KSR2: variants seen among roughly 807,000 people sequenced by gnomAD.
KSR2 encodes kinase suppressor of ras 2.
In KSR2, 25 loss-of-function variants were observed where a neutral mutation model predicts 107.8. The observed-to-expected ratio is 0.23, with a 90% CI of 0.17 to 0.32. The LOEUF (loss-of-function observed/expected upper bound fraction) is 0.32, where lower values mean the gene tolerates loss of function less well. Among genes scored for constraint, KSR2 ranks in the 10% least tolerant of loss-of-function variants. The pLI, the probability that KSR2 is intolerant of heterozygous loss-of-function variation, is 1.00. For missense variants in KSR2, 887 were observed against 1,268.9 expected (o/e 0.70, Z 4.57); for synonymous variants, 480 against 507.0 (o/e 0.95, Z 0.71).
intron 14 of KSR2, among the ~76,000 whole-genome samples, chr12:117,519,896 C>A (rs1253838340): frequency 3.3e-5 from 5 of 152,156 alleles, no homozygotes; most frequent in Non-Finnish European, 7.4e-5. Flanking sequence ...AAATGAAACT[C>A]AGTTCTAATA....
intron 1 of KSR2, among the ~76,000 whole-genome samples, chr12:117,891,565 C>A (rs1342343403): frequency 1.3e-5 from 2 of 151,940 alleles, no homozygotes; most frequent in Admixed American, 6.6e-5. Flanking sequence ...GAATGAGACT[C>A]CATTTCTATA....
At chr12:117,723,080 G>A (rs1035945274) in intron 4 of KSR2, among the ~76,000 whole-genome samples, 3 of 152,148 alleles carry the variant, frequency 2.0e-5, no homozygotes, top group Non-Finnish European at 2.9e-5. Flanking sequence ...CCCCTCAGTG[G>A]CAGGGGAGGT....
At chr12:117,846,733 C>T (rs555527911) in intron 3 of KSR2, among the ~76,000 whole-genome samples, 5 of 152,344 alleles carry the variant, frequency 3.3e-5, no homozygotes, top group South Asian at 2.1e-4. Flanking sequence ...CCACCTGTGG[C>T]GATGAACAAC....
At chr12:117,541,138 G>A (rs1390896480) in intron 9 of KSR2, among the ~76,000 whole-genome samples, 2 of 150,984 alleles carry the variant, frequency 1.3e-5, no homozygotes, top group Non-Finnish European at 2.9e-5. Context: ...CTGATGTGGA[G>A]GAATGGGAGG....
chr12:117,601,209 C>A (rs10850854), intron 5 of KSR2, among the ~76,000 whole-genome samples: 22,149 of 151,366 alleles, frequency 0.15, 1,804 homozygotes, highest in Non-Finnish European at 0.18. Flanking sequence ...TGATATTTGT[C>A]TCTCTCTGCT....
chr12:117,538,410 GGCTTGTCCTCA>G (rs747485769), intron 10 of KSR2, among the ~76,000 whole-genome samples: 1 of 152,086 alleles, frequency 6.6e-6, no homozygotes, highest in Non-Finnish European at 1.5e-5. Flanking sequence ...TGCTGTGATT[GGCTTGTCCTCA>G]GATGGATGGA....
intron 4 of KSR2, among the ~76,000 whole-genome samples, chr12:117,695,003 A>C (rs1885993489): frequency 6.6e-6 from 1 of 151,978 alleles, no homozygotes; most frequent in African/African-American, 2.4e-5. Context: ...GGTGCACGCC[A>C]CCACACCCAG....
intron 3 of KSR2, among the ~76,000 whole-genome samples, chr12:117,814,659 C>G (rs1314712843): frequency 6.6e-6 from 1 of 152,172 alleles, no homozygotes; most frequent in Non-Finnish European, 1.5e-5. Flanking sequence ...TCCACAGAGG[C>G]TCCATTCAGA....
intron 4 of KSR2, among the ~76,000 whole-genome samples, chr12:117,707,887 G>C (rs1262741065): frequency 2.0e-5 from 3 of 152,140 alleles, no homozygotes; most frequent in African/African-American, 7.2e-5. Context: ...ATGATCTCTG[G>C]TAGTATTTCC....
chr12:117,676,800 T>C (rs1322379025), intron 4 of KSR2, among the ~76,000 whole-genome samples: 3 of 152,188 alleles, frequency 2.0e-5, no homozygotes, highest in Non-Finnish European at 4.4e-5. Context: ...CCCAGGCCTG[T>C]ATCTAACCAA....
chr12:117,471,589 T>TTC (rs1371568678), intron 17 of KSR2, among the ~76,000 whole-genome samples: 6 of 152,280 alleles, frequency 3.9e-5, no homozygotes, highest in Non-Finnish European at 8.8e-5. Flanking sequence ...TTGCAATGAT[T>TTC]CTAGGAAATC....
At chr12:117,679,257 G>C (rs1885268946) in intron 4 of KSR2, among the ~76,000 whole-genome samples, 1 of 152,158 alleles carries the variant, frequency 6.6e-6, no homozygotes, top group South Asian at 2.1e-4. Flanking sequence ...CATGCACGGA[G>C]CGTTTCCTAT....
intron 3 of KSR2, among the ~76,000 whole-genome samples, chr12:117,786,864 T>C (rs560061214): frequency 1.6e-4 from 24 of 151,768 alleles, no homozygotes; most frequent in African/African-American, 5.6e-4. Context: ...ACCCTGTCTC[T>C]ACTAAAAATA....
chr12:117,546,434 T>C (rs1451333986), intron 9 of KSR2, among the ~76,000 whole-genome samples: 1 of 152,222 alleles, frequency 6.6e-6, no homozygotes, highest in Non-Finnish European at 1.5e-5. Context: ...ACATGACATA[T>C]CCTAGCATGG....
chr12:117,703,591 C>A (rs975898259), intron 4 of KSR2, among the ~76,000 whole-genome samples: 1 of 152,264 alleles, frequency 6.6e-6, no homozygotes, highest in East Asian at 1.9e-4. Context: ...AGAAATTGAA[C>A]GTTGAAGTTC....
chr12:117,577,177 T>C (rs747591533), intron 7 of KSR2, among the ~76,000 whole-genome samples: 21 of 152,182 alleles, frequency 1.4e-4, no homozygotes, highest in Non-Finnish European at 2.5e-4. Context: ...GGCCTCTGCC[T>C]GGACTAGACA....
chr12:117,934,238 G>C (rs1895775522), intron 1 of KSR2, among the ~76,000 whole-genome samples: 1 of 152,092 alleles, frequency 6.6e-6, no homozygotes, highest in African/African-American at 2.4e-5. Context: ...TTGGTCCACA[G>C]GGCTTGGAAG....
At chr12:117,762,747 A>T (rs113566228) in intron 3 of KSR2, among the ~76,000 whole-genome samples, 3 of 151,954 alleles carry the variant, frequency 2.0e-5, no homozygotes, top group Non-Finnish European at 2.9e-5. Flanking sequence ...TGTGCCTGTA[A>T]TCCCAGCTAC....
chr12:117,656,941 G>GATATATATATATAT (rs71099068), intron 5 of KSR2, among the ~76,000 whole-genome samples: 5 of 102,464 alleles, frequency 4.9e-5, no homozygotes, highest in Non-Finnish European at 8.9e-5. Flanking sequence ...TATATAATAG[G>GATATATATATATAT]ATATATATAT....
Sources: allele counts gnomAD v4.1 joint callset (sites outside exome capture counted in the v4.1 genomes callset), GRCh38; gene constraint gnomAD v4.1.1; transcripts MANE v1.5; gene names NCBI Gene and HGNC (gene_info 2026-07-23, HGNC 2026-07-21).